Variants in TBCK observed in about 807,000 individuals in gnomAD.
TBCK encodes the protein TBC1 domain containing kinase.
Under a neutral mutation model 113.4 loss-of-function variants are expected in TBCK, and 99 were observed. The ratio of observed to expected loss-of-function variants is 0.87; its 90% CI spans 0.74 to 1.03. The LOEUF (loss-of-function observed/expected upper bound fraction) is 1.03, where lower values mean the gene tolerates loss of function less well. TBCK is among the 50% of genes least tolerant of loss of function. The pLI, the probability that TBCK is intolerant of heterozygous loss-of-function variation, is 0.00. For synonymous variants in TBCK, 369 were observed against 370.8 expected, an observed-to-expected ratio of 1.00 and a Z score of 0.05; for missense variants, 1,045 against 1,061.3, an observed-to-expected ratio of 0.98 and a Z score of 0.21.
chr4:106,303,774 C>T (rs546309796), intron 2 of TBCK, among the ~76,000 whole-genome samples: 11 of 152,250 alleles, frequency 7.2e-5, no homozygotes, highest in African/African-American at 2.6e-4. Flanking sequence ...GACACTACCC[C>T]TTCTTTTTTG....
In TBCK at chr4:106,233,591, T is replaced by C; in HGVS notation, c.1509A>G (p.Arg503=). 1 of 1,610,702 alleles carries C rather than the reference T, an allele frequency of 6.2e-7. No individual in the cohort carries two copies. Among genetic ancestry groups the C allele is most frequent in the Non-Finnish European group, 8.5e-7 (1 of 1,177,952 alleles). ...IDKDTPIPTD[R]QIEVDIPRCH... ...CTTAAGAAAACCTAAATCATACTTG[T>C]CTATCTGTAGGAATTGGAGTGTCTT... The change falls in exon 16 of 26, where the codon AGA becomes AGG. Residue 503 remains arginine (R), a synonymous_variant. Transcript: ENST00000394708.
chr4:106,276,826 C>G (rs570018605), intron 3 of TBCK, among the ~76,000 whole-genome samples: 1 of 151,902 alleles, frequency 6.6e-6, no homozygotes, highest in East Asian at 1.9e-4. Context: ...ACCCAGGAGG[C>G]GGTGCAGTTC....
intron 25 of TBCK, among the ~76,000 whole-genome samples, chr4:106,068,303 C>G (rs914590357): frequency 6.6e-6 from 1 of 151,874 alleles, no homozygotes; most frequent in Non-Finnish European, 1.5e-5. Flanking sequence ...CCTCCCCCAT[C>G]CCCCCACCCC....
intron 22 of TBCK, among the ~76,000 whole-genome samples, chr4:106,181,904 G>T (rs921104264): frequency 3.9e-5 from 6 of 152,128 alleles, no homozygotes; most frequent in African/African-American, 1.4e-4. Context: ...ATTCTGAAAA[G>T]AAAGTCATTG....
intron 25 of TBCK, among the ~76,000 whole-genome samples, chr4:106,065,274 T>C (rs73836962): frequency 0.013 from 1,992 of 152,180 alleles, 49 homozygotes; most frequent in African/African-American, 0.043. Context: ...TAATTCAGCA[T>C]GCTTCAGTTT....
At chr4:106,097,548 T>C (rs1031592409) in intron 24 of TBCK, among the ~76,000 whole-genome samples, 1 of 152,108 alleles carries the variant, frequency 6.6e-6, no homozygotes, top group Non-Finnish European at 1.5e-5. Flanking sequence ...TATAAATAAG[T>C]ATATTTATAA....
intron 5 of TBCK, 132 bp from the exon 6 acceptor site, chr4:106,252,139 T>C: frequency 1.5e-6 from 1 of 654,918 alleles, no homozygotes; most frequent in Non-Finnish European, 2.4e-6. Context: ...TAGAAAGCAT[T>C]CTAAACTAAC....
At position 106,244,643 on chromosome 4, in the gene TBCK, A is replaced by G. The variant is rs764662285; in HGVS notation, c.1053T>C (p.Pro351=). 6.2e-7 allele frequency: 1 copy of G among 1,607,486 alleles called. No individual in the cohort carries two copies. Among genetic ancestry groups the G allele is most frequent in the Non-Finnish European group, 8.5e-7 (1 of 1,177,872 alleles). Residue 351 remains proline (P), a synonymous_variant, in exon 11 of 26, where the codon CCT becomes CCC. Coordinates refer to ENST00000394708, the MANE Select transcript of TBCK (RefSeq NM_001163435.3). The stretch of plus-strand genomic sequence containing the variant: ...TTCCTTACTTGGGGAGTGTGCAGAT[A>G]GGTGGTTTGGATCGAATGATTTCCT... ...VNKEIIRSKP[P]ICTLPNFLFE...
chr4:106,129,143 C>T (rs1258096334), intron 23 of TBCK, among the ~76,000 whole-genome samples: 1 of 152,132 alleles, frequency 6.6e-6, no homozygotes, highest in Non-Finnish European at 1.5e-5. Flanking sequence ...AGACTAAGCA[C>T]TTATTTTATT....
chr4:106,256,907 A>G (rs1032493513), intron 5 of TBCK, among the ~76,000 whole-genome samples: 3 of 152,178 alleles, frequency 2.0e-5, no homozygotes, highest in African/African-American at 7.2e-5. Flanking sequence ...TATATTTCAC[A>G]TACAAAAATT....
intron 3 of TBCK, among the ~76,000 whole-genome samples, chr4:106,291,200 T>C (rs28786759): frequency 1.3e-5 from 2 of 152,154 alleles, no homozygotes; most frequent in African/African-American, 4.8e-5. Context: ...TGCCTATTAT[T>C]TTATTTACCT....
At chr4:106,120,677 A>C (rs549304132) in intron 23 of TBCK, among the ~76,000 whole-genome samples, 1 of 152,306 alleles carries the variant, frequency 6.6e-6, no homozygotes, top group South Asian at 2.1e-4. Context: ...CGAGCAGCCT[A>C]ACTGGGAGGC....
chr4:106,288,787 C>T (rs1335586863), intron 3 of TBCK, among the ~76,000 whole-genome samples: 1 of 152,164 alleles, frequency 6.6e-6, no homozygotes, highest in Non-Finnish European at 1.5e-5. Flanking sequence ...GTTCCAAAAT[C>T]CAAAATTTTT....
Position 106,044,879 on chromosome 4 carries a change from T to C in TBCK, c.*1691A>G, listed in dbSNP as rs555186128. 2.6e-5 allele frequency: 4 copies of C among 152,296 alleles called. No individual in the cohort carries two copies. The highest frequency in any genetic ancestry group is 1.9e-4 in the East Asian group (1 of 5,190). The allele number at this position is 152,296 out of a possible 1,614,324, so 9.4% of individuals were successfully genotyped here. On this transcript the variant is annotated 3_prime_UTR_variant, in exon 26 of 26. Transcript: ENST00000394708. ...CAAAACCATGGCCCAGAAAGCTGAATTGAGGCTCTTATTGAAATGTTCTGC... is the reference window on the plus strand; with the variant it reads ...CAAAACCATGGCCCAGAAAGCTGAACTGAGGCTCTTATTGAAATGTTCTGC...
chr4:106,133,836 C>T (rs926232224), intron 23 of TBCK, among the ~76,000 whole-genome samples: 6 of 152,140 alleles, frequency 3.9e-5, no homozygotes, highest in Non-Finnish European at 8.8e-5. Context: ...AACATGAAAC[C>T]CCATCTCTAC....
At chr4:106,176,575 C>G (rs776499189) in intron 22 of TBCK, among the ~76,000 whole-genome samples, 5 of 151,976 alleles carry the variant, frequency 3.3e-5, no homozygotes, top group Non-Finnish European at 7.4e-5. Flanking sequence ...TTTATTCATT[C>G]ATTCATTGAT....
At chr4:106,304,174 C>T (rs937310664) in intron 2 of TBCK, among the ~76,000 whole-genome samples, 13 of 152,126 alleles carry the variant, frequency 8.5e-5, no homozygotes, top group Admixed American at 6.6e-4. Context: ...TCACAGTGGT[C>T]ACCCTGCAGG....
At chr4:106,101,078 T>C (rs1741494702) in intron 24 of TBCK, among the ~76,000 whole-genome samples, 1 of 152,200 alleles carries the variant, frequency 6.6e-6, no homozygotes, top group Non-Finnish European at 1.5e-5. Context: ...CATGTATCTA[T>C]TTTAGTTATA....
At chr4:106,188,234 T>G (rs1300068133) in intron 22 of TBCK, among the ~76,000 whole-genome samples, 1 of 152,218 alleles carries the variant, frequency 6.6e-6, no homozygotes, top group Non-Finnish European at 1.5e-5. Flanking sequence ...TTTTGATGCC[T>G]TAAATCTCTC....
Sources: gnomAD v4.1 joint callset for allele counts (sites outside exome capture counted in the v4.1 genomes callset) on GRCh38, gnomAD v4.1.1 for gene constraint, MANE v1.5 for transcripts, NCBI Gene and HGNC (gene_info 2026-07-23, HGNC 2026-07-21) for gene names.